Variants in SUGP2 observed in about 807,000 individuals in gnomAD.
SUGP2 encodes the protein SURP and G-patch domain-containing protein 2.
A neutral mutation model predicts 90.5 loss-of-function variants in SUGP2; 24 were observed. The ratio of observed to expected loss-of-function variants is 0.27; its 90% CI spans 0.19 to 0.37. The LOEUF (loss-of-function observed/expected upper bound fraction) is 0.37. Among genes scored for constraint, SUGP2 ranks in the 10% least tolerant of loss-of-function variants. The probability of loss-of-function intolerance (pLI) is 1.00; values close to 1 mark genes in which losing one functional copy is unlikely to be tolerated. For missense variants in SUGP2, 1,233 were observed against 1,363.3 expected (o/e 0.90, Z 1.51); for synonymous variants, 473 against 513.4 (o/e 0.92, Z 1.06).
chr19:18,996,602 G>A (rs1488259465), intron 8 of SUGP2, among the ~76,000 whole-genome samples: 1 of 151,982 alleles, frequency 6.6e-6, no homozygotes, highest in Non-Finnish European at 1.5e-5. Flanking sequence ...GCCCAGGCTG[G>A]AGTGCAGTGA....
intron 4 of SUGP2, among the ~76,000 whole-genome samples, chr19:19,010,708 T>A (rs925847609): frequency 6.6e-6 from 1 of 152,204 alleles, no homozygotes; most frequent in African/African-American, 2.4e-5. Flanking sequence ...CTCGGTGAGC[T>A]TTTGACTGCA....
At chr19:19,031,552 AT>A (rs1173350026) in intron 1 of SUGP2, among the ~76,000 whole-genome samples, 2 of 149,684 alleles carry the variant, frequency 1.3e-5, no homozygotes, top group Non-Finnish European at 3.0e-5. Context: ...AAAAAAAAAA[AT>A]TTCACCAGGC....
At chr19:18,995,121 A>ACCCC in intron 9 of SUGP2, 23 bp downstream of exon 9, 1 of 1,279,694 alleles carries the variant, frequency 7.8e-7, no homozygotes, top group Non-Finnish European at 1.1e-6. Context: ...ACCCACTCCC[A>ACCCC]CCCCAGGCTG....
At chr19:19,013,609 C>G (rs573477372) in intron 4 of SUGP2, among the ~76,000 whole-genome samples, 78 of 152,324 alleles carry the variant, frequency 5.1e-4, no homozygotes, top group African/African-American at 1.7e-3. Flanking sequence ...ATATTTAGAT[C>G]ATCTGGGATT....
chr19:19,008,059 C>T (rs2058156902), intron 6 of SUGP2, among the ~76,000 whole-genome samples: 1 of 152,138 alleles, frequency 6.6e-6, no homozygotes, highest in Non-Finnish European at 1.5e-5. Context: ...ATGACTTACT[C>T]CTGGTATAAC....
intron 5 of SUGP2, 78 bp from the exon 6 acceptor site, chr19:19,008,506 C>T: frequency 8.5e-7 from 1 of 1,180,680 alleles, no homozygotes; most frequent in Non-Finnish European, 1.3e-6. Flanking sequence ...GTTGTGGAGG[C>T]TGATTATAAA....
rs55869888 is a variant in SUGP2, at chr19:19,026,977, C to T, written c.122-751G>A. Among the ~76,000 whole-genome samples, 767 of 152,260 alleles carry T rather than the reference C, an allele frequency of 5.0e-3. 2 individuals carry two copies. Among genetic ancestry groups the T allele is most frequent in the Non-Finnish European group, 8.5e-3 (577 of 68,028 alleles). ...GAACAGTGCCCAATTCTGTCCTTCT[C>T]CATGTAGAAAAGGGGAAATGGGCCA... is the stretch of plus-strand genomic sequence containing the variant. On this transcript the variant is annotated intron_variant, in intron 2 of 10. Transcript: ENST00000452918.
chr19:19,027,783 A>G (rs1599575143), intron 2 of SUGP2, among the ~76,000 whole-genome samples: 1 of 152,028 alleles, frequency 6.6e-6, no homozygotes, highest in African/African-American at 2.4e-5. Flanking sequence ...GAATACAGGC[A>G]CCCGCCACCA....
At position 19,024,791 on chromosome 19, in the gene SUGP2, G is replaced by A; in HGVS notation, c.1557C>T (p.Asp519=). 1 of 1,614,210 alleles carries A rather than the reference G, an allele frequency of 6.2e-7. No individual in the cohort carries two copies. The highest frequency in any genetic ancestry group is 8.5e-7 in the Non-Finnish European group (1 of 1,180,044). The change falls in exon 3 of 11, where the codon GAC becomes GAT. Residue 519 remains aspartate (D), a synonymous_variant. Coordinates refer to ENST00000452918, the MANE Select transcript of SUGP2 (RefSeq NM_001017392.5). ...PSPAAFPNFE[D]STLFGREYID... ...TGTACTCTCGCCCAAACAAAGTGGA[G>A]TCTTCGAAGTTTGGAAACGCAGCAG...
At chr19:19,012,298 AAC>A (rs2058340099) in intron 4 of SUGP2, among the ~76,000 whole-genome samples, 1 of 152,186 alleles carries the variant, frequency 6.6e-6, no homozygotes, top group African/African-American at 2.4e-5. Flanking sequence ...TCTCAAGTCA[AAC>A]ACAGCCCCAG....
chr19:18,999,295 G>A (rs894620589), intron 8 of SUGP2, among the ~76,000 whole-genome samples: 3 of 152,110 alleles, frequency 2.0e-5, no homozygotes, highest in Admixed American at 6.5e-5. Context: ...AGGAGGACAG[G>A]TGCAGAGCCC....
intron 2 of SUGP2, 131 bp downstream of exon 2, chr19:19,030,820 C>T (rs2059124342): frequency 9.1e-7 from 1 of 1,098,042 alleles, no homozygotes; most frequent in African/African-American, 1.6e-5. Context: ...AAACCTTTAC[C>T]TCCTCCTAAA....
chr19:19,020,064 AAT>A (rs2058663887), intron 3 of SUGP2, among the ~76,000 whole-genome samples: 2 of 148,718 alleles, frequency 1.3e-5, no homozygotes, highest in African/African-American at 4.9e-5. Flanking sequence ...AAAAAAAATA[AAT>A]AAATAAATAA....
At chr19:18,999,268 C>A (rs1467810616) in intron 8 of SUGP2, among the ~76,000 whole-genome samples, 2 of 152,160 alleles carry the variant, frequency 1.3e-5, no homozygotes, top group African/African-American at 4.8e-5. Context: ...CCCTTCCACC[C>A]ACAGTCACTG....
At position 18,996,427 on chromosome 19, in the gene SUGP2, T is replaced by G. The variant is rs183089717; in HGVS notation, c.2992-1147A>C. On this transcript the variant is annotated intron_variant, in intron 8 of 10. Transcript: ENST00000452918. Reference sequence around the variant, plus strand: ...AACAAAATACAAAACTTGTGTGTGTTTTTTTTAAATATAGAGTCTTGCTAT... The same window carrying G: ...AACAAAATACAAAACTTGTGTGTGTGTTTTTTAAATATAGAGTCTTGCTAT... 1.1e-3 allele frequency among the ~76,000 whole-genome samples: 163 copies of G among 150,764 alleles called. 2 individuals carry two copies. Among genetic ancestry groups the G allele is most frequent in the East Asian group, 6.4e-3 (33 of 5,182 alleles).
At chr19:19,006,669 G>A (rs2058088278) in intron 6 of SUGP2, among the ~76,000 whole-genome samples, 2 of 152,222 alleles carry the variant, frequency 1.3e-5, no homozygotes, top group Non-Finnish European at 2.9e-5. Flanking sequence ...AACCCTGCCA[G>A]AGGAAATCCC....
chr19:19,024,580 C>T lies in SUGP2; in HGVS notation c.1729+39G>A, dbSNP rs745658647. The T allele has an allele frequency of 1.7e-5, 27 of 1,556,448 alleles. No individual in the cohort carries two copies. In the East Asian group the frequency reaches 2.5e-4, roughly 14 times the overall value. The stretch of plus-strand genomic sequence containing the variant: ...AATAAAAGACATTACCAAAGAAACA[C>T]GAAAAACAACAAATAGAAACTTTGG... On this transcript the variant is annotated intron_variant, in intron 3 of 10. Transcript: ENST00000452918.
At chr19:19,011,527 C>G (rs1034159491) in intron 4 of SUGP2, among the ~76,000 whole-genome samples, 2 of 152,196 alleles carry the variant, frequency 1.3e-5, no homozygotes, top group African/African-American at 4.8e-5. Flanking sequence ...TAATGTTCTT[C>G]TTGCCACTTC....
chr19:19,009,014 C>A (rs569210635), intron 5 of SUGP2, among the ~76,000 whole-genome samples: 2 of 152,278 alleles, frequency 1.3e-5, no homozygotes, highest in African/African-American at 4.8e-5. Flanking sequence ...CGGGTTCAAG[C>A]GATTCTCCTA....
Sources: gnomAD v4.1 joint callset for allele counts (sites outside exome capture counted in the v4.1 genomes callset) on GRCh38, gnomAD v4.1.1 for gene constraint, MANE v1.5 for transcripts, NCBI Gene and HGNC (gene_info 2026-07-23, HGNC 2026-07-21) for gene names.